Variants in ASCC3 observed in about 807,000 individuals in gnomAD.
ASCC3 encodes the protein ASC-1 complex subunit P200.
A neutral mutation model predicts 256.3 loss-of-function variants in ASCC3; 158 were observed. That is an observed-to-expected ratio of 0.62 (90% CI 0.54 to 0.70). The LOEUF (loss-of-function observed/expected upper bound fraction) is 0.70. Among genes scored for constraint, ASCC3 ranks in the 30% least tolerant of loss-of-function variants. The pLI is 0.00. For missense variants in ASCC3, 2,259 were observed against 2,626.0 expected (o/e 0.86, Z 3.05); for synonymous variants, 948 against 883.4 (o/e 1.07, Z -1.30).
At chr6:100,734,581 A>C (rs925926289) in intron 10 of ASCC3, among the ~76,000 whole-genome samples, 28 of 152,178 alleles carry the variant, frequency 1.8e-4, no homozygotes, top group African/African-American at 6.5e-4. Flanking sequence ...GATTATGGGA[A>C]TTATTTCATA....
At chr6:100,736,497 A>G (rs11155623) in intron 10 of ASCC3, among the ~76,000 whole-genome samples, 71,262 of 149,688 alleles carry the variant, frequency 0.48, 16,905 homozygotes, top group South Asian at 0.61. Flanking sequence ...GTAAAACTCC[A>G]TTTCAAAAAA....
chr6:100,822,428 T>C (rs1771090371), intron 4 of ASCC3, among the ~76,000 whole-genome samples: 1 of 150,970 alleles, frequency 6.6e-6, no homozygotes, highest in African/African-American at 2.4e-5. Flanking sequence ...TCCCAACTAC[T>C]CAGGAGGTTG....
intron 34 of ASCC3, among the ~76,000 whole-genome samples, chr6:100,592,036 T>A (rs1772022991): frequency 6.6e-6 from 1 of 151,854 alleles, no homozygotes; most frequent in Non-Finnish European, 1.5e-5. Context: ...TTCTAAAGTC[T>A]GTTTATTTAA....
intron 4 of ASCC3, among the ~76,000 whole-genome samples, chr6:100,823,189 CATCCACATTGAGAA>C (rs1771137568): frequency 6.6e-6 from 1 of 152,182 alleles, no homozygotes; most frequent in African/African-American, 2.4e-5. Flanking sequence ...TTGCCATTTT[CATCCACATTGAGAA>C]CAGGTGCTGT....
chr6:100,874,478 A>AAT (rs1375162886), intron 1 of ASCC3, among the ~76,000 whole-genome samples: 5 of 151,178 alleles, frequency 3.3e-5, no homozygotes, highest in Non-Finnish European at 3.0e-5. Flanking sequence ...AAAAAAAAAA[A>AAT]AAAAAAAACA....
chr6:100,766,794 T>C (rs1781679762), intron 9 of ASCC3, 89 bp from the exon 10 acceptor site: 3 of 1,492,768 alleles, frequency 2.0e-6, no homozygotes, highest in Middle Eastern at 1.8e-4. Context: ...CAATTTATTG[T>C]GAAATATGTT....
Position 100,798,740 on chromosome 6 carries a change from C to T in ASCC3, c.1368G>A (p.Lys456=). The T allele has an allele frequency of 6.2e-7, 1 of 1,613,018 alleles. No individual in the cohort carries two copies. Among genetic ancestry groups the T allele is most frequent in the African/African-American group, 1.3e-5 (1 of 75,014 alleles). ...SEPMPLSFEE[K]PVYIQDLDEI... is the part of the protein sequence containing the mutation. ...CATCTAAGTCTTGGATATAAACTGG[C>T]TTTTCCTCAAAGCTGAGTGGCATTG... is the stretch of plus-strand genomic sequence containing the variant. The change falls in exon 8 of 42, where the codon AAG becomes AAA. Residue 456 remains lysine, a synonymous_variant. Coordinates refer to ENST00000369162, the MANE Select transcript of ASCC3 (RefSeq NM_006828.4).
rs769199552 is a variant in ASCC3, at chr6:100,715,448, T to C, written c.2151+14A>G. On this transcript the variant is annotated intron_variant, in intron 13 of 41. Coordinates refer to ENST00000369162, the MANE Select transcript of ASCC3 (RefSeq NM_006828.4). ...GCAGATAAATAAGTGTAAAAGCAGA[T>C]AAAATAAGTGTACCTGGTGTCCAGC... 3.1e-6 allele frequency: 5 copies of C among 1,600,910 alleles called. No homozygotes were observed. The highest frequency in any genetic ancestry group is 4.3e-6 in the Non-Finnish European group (5 of 1,169,112).
intron 5 of ASCC3, among the ~76,000 whole-genome samples, chr6:100,805,099 G>C (rs759565193): frequency 0.012 from 1,786 of 152,128 alleles, 11 homozygotes; most frequent in Non-Finnish European, 0.018. Flanking sequence ...TCTGTTTCCT[G>C]AATTGAGTCC....
intron 8 of ASCC3, among the ~76,000 whole-genome samples, chr6:100,793,840 CCTAA>C (rs1769470690): frequency 6.6e-6 from 1 of 151,934 alleles, no homozygotes; most frequent in Non-Finnish European, 1.5e-5. Context: ...GGGTCTTGCT[CCTAA>C]CTAACACTTG....
chr6:100,680,688 C>T (rs1777255156), intron 13 of ASCC3, among the ~76,000 whole-genome samples: 1 of 152,168 alleles, frequency 6.6e-6, no homozygotes, highest in African/African-American at 2.4e-5. Context: ...ACAAGTTCCC[C>T]TAGCCCCTGC....
chr6:100,667,096 C>A (rs1776513903), intron 14 of ASCC3, among the ~76,000 whole-genome samples: 1 of 152,154 alleles, frequency 6.6e-6, no homozygotes, highest in East Asian at 1.9e-4. Context: ...TCATTTATGA[C>A]AAAATTATGT....
At chr6:100,875,896 T>C (rs2114574294) in intron 1 of ASCC3, among the ~76,000 whole-genome samples, 1 of 152,052 alleles carries the variant, frequency 6.6e-6, no homozygotes, top group South Asian at 2.1e-4. Context: ...TACAAATGGG[T>C]ACATGCTATT....
intron 4 of ASCC3, among the ~76,000 whole-genome samples, chr6:100,822,137 T>C (rs1409059069): frequency 6.6e-6 from 1 of 152,222 alleles, no homozygotes; most frequent in Non-Finnish European, 1.5e-5. Flanking sequence ...AAAACAATCA[T>C]TGATACACTT....
chr6:100,761,717 T>C (rs1402590567), intron 10 of ASCC3, among the ~76,000 whole-genome samples: 1 of 152,092 alleles, frequency 6.6e-6, no homozygotes, highest in Non-Finnish European at 1.5e-5. Flanking sequence ...ACAGCTTCAT[T>C]GGTGAAAGGT....
chr6:100,748,861 C>G (rs1780805186), intron 10 of ASCC3, among the ~76,000 whole-genome samples: 1 of 151,948 alleles, frequency 6.6e-6, no homozygotes, highest in African/African-American at 2.4e-5. Context: ...ATAGACCATT[C>G]AATGAGTAAG....
At chr6:100,559,975 G>A (rs924089675) in intron 36 of ASCC3, among the ~76,000 whole-genome samples, 2 of 152,006 alleles carry the variant, frequency 1.3e-5, no homozygotes, top group African/African-American at 4.8e-5. Flanking sequence ...TGGGAAACAA[G>A]TGTCACGTGG....
intron 36 of ASCC3, among the ~76,000 whole-genome samples, chr6:100,562,412 C>T (rs1582452970): frequency 1.3e-5 from 2 of 152,110 alleles, no homozygotes; most frequent in East Asian, 3.9e-4. Flanking sequence ...AGTGGGAAGA[C>T]TAGAGTCTGC....
intron 5 of ASCC3, among the ~76,000 whole-genome samples, chr6:100,803,014 A>G (rs1056525419): frequency 3.3e-5 from 5 of 152,046 alleles, no homozygotes; most frequent in African/African-American, 1.2e-4. Context: ...TCTTAAAAAC[A>G]AAAGCTAGAA....
Sources: allele counts gnomAD v4.1 joint callset (sites outside exome capture counted in the v4.1 genomes callset), GRCh38; gene constraint gnomAD v4.1.1; transcripts MANE v1.5; gene names NCBI Gene and HGNC (gene_info 2026-07-23, HGNC 2026-07-21).